Variants in CCDC66 observed in about 807,000 individuals in gnomAD.
The protein encoded by CCDC66 is coiled-coil domain containing 66.
In CCDC66, 133 loss-of-function variants were observed where a neutral mutation model predicts 128.3. The ratio of observed to expected loss-of-function variants is 1.04; its 90% CI spans 0.90 to 1.20. The LOEUF (loss-of-function observed/expected upper bound fraction) is 1.20, where lower values mean the gene tolerates loss of function less well. Among genes scored for constraint, CCDC66 ranks in the 50% most tolerant of loss-of-function variants. The pLI, the probability that CCDC66 is intolerant of heterozygous loss-of-function variation, is 0.00. For missense variants in CCDC66, 1,126 were observed against 1,075.5 expected (o/e 1.05, Z -0.66); for synonymous variants, 387 against 357.0 (o/e 1.08, Z -0.95).
chr3:56,610,741 A>AT (rs1418228938), intron 10 of CCDC66, among the ~76,000 whole-genome samples: 1 of 151,938 alleles, frequency 6.6e-6, no homozygotes, highest in East Asian at 1.9e-4. Flanking sequence ...TGTTGTTCAG[A>AT]TTTTTTTGTC....
At chr3:56,575,549 T>C (rs1469789090) in intron 7 of CCDC66, among the ~76,000 whole-genome samples, 1 of 151,866 alleles carries the variant, frequency 6.6e-6, no homozygotes, top group East Asian at 2.0e-4. Context: ...TTTTTCACTC[T>C]CTTGATAATA....
At chr3:56,608,888 T>C (rs907685200) in intron 10 of CCDC66, among the ~76,000 whole-genome samples, 51 of 152,328 alleles carry the variant, frequency 3.3e-4, no homozygotes, top group African/African-American at 1.2e-3. Context: ...GAGCAATTTA[T>C]TTAATTTCCA....
At chr3:56,588,329 A>G (rs1470354195) in intron 7 of CCDC66, among the ~76,000 whole-genome samples, 2 of 152,200 alleles carry the variant, frequency 1.3e-5, no homozygotes, top group Non-Finnish European at 2.9e-5. Context: ...GCTGAGGGAT[A>G]AAAGACTACA....
intron 7 of CCDC66, among the ~76,000 whole-genome samples, chr3:56,576,135 A>G (rs1253141169): frequency 6.6e-6 from 1 of 151,586 alleles, no homozygotes; most frequent in Non-Finnish European, 1.5e-5. Context: ...TTAATATCTC[A>G]ATAATATTAA....
At chr3:56,612,452 T>C (rs1316640969) in intron 10 of CCDC66, among the ~76,000 whole-genome samples, 1 of 152,164 alleles carries the variant, frequency 6.6e-6, no homozygotes. Flanking sequence ...CAGGGCTGTA[T>C]ACACTGGCAT....
intron 10 of CCDC66, among the ~76,000 whole-genome samples, chr3:56,597,776 GGTT>G (rs1438305269): frequency 1.6e-5 from 1 of 61,858 alleles, no homozygotes; most frequent in Non-Finnish European, 2.6e-5. Flanking sequence ...TTTGTTTTGG[GGTT>G]TTTTTTTTTT....
chr3:56,608,428 A>ACTAT (rs2074359338), intron 10 of CCDC66, among the ~76,000 whole-genome samples: 1 of 152,116 alleles, frequency 6.6e-6, no homozygotes, highest in African/African-American at 2.4e-5. Context: ...TGTTCATAGT[A>ACTAT]GCCTTGAATG....
At position 56,565,523 on chromosome 3, in the gene CCDC66, C is replaced by T. The variant is rs527777853; in HGVS notation, c.545-1071C>T. 2.7e-5 allele frequency among the ~76,000 whole-genome samples: 4 copies of T among 150,888 alleles called. No individual in the cohort carries two copies. In the South Asian group the frequency reaches 8.4e-4, roughly 32 times the overall value. The stretch of plus-strand genomic sequence containing the variant: ...AGCCAGGATGATCTCAGTCTCCTGA[C>T]CTCATGATCCGCCTGCCTCAGCCTC... On this transcript the variant is annotated intron_variant, in intron 4 of 17. Transcript: ENST00000394672.
intron 3 of CCDC66, among the ~76,000 whole-genome samples, chr3:56,560,702 A>C (rs923017910): frequency 6.6e-6 from 1 of 152,248 alleles, no homozygotes; most frequent in Non-Finnish European, 1.5e-5. Context: ...CCTGGGGGAC[A>C]GAGCGAAATT....
intron 10 of CCDC66, among the ~76,000 whole-genome samples, chr3:56,608,735 T>C (rs282529): frequency 0.98 from 149,799 of 152,258 alleles, 73,739 homozygotes; most frequent in Middle Eastern, 1. Context: ...TTGATGTAGG[T>C]GTTTTAGGGC....
intron 10 of CCDC66, among the ~76,000 whole-genome samples, chr3:56,602,507 G>A (rs1297672361): frequency 6.6e-6 from 1 of 151,968 alleles, no homozygotes; most frequent in Non-Finnish European, 1.5e-5. Context: ...AATTAGGGAG[G>A]ATTCCCTCTA....
rs556131751 is a variant in CCDC66, at chr3:56,593,758, GTATT to G, written c.1319+22_1319+25del. The G allele has an allele frequency of 1.7e-4, 272 of 1,605,772 alleles. 1 individual carries two copies. In the African/African-American group the frequency reaches 3.5e-3, roughly 21 times the overall value. On this transcript the variant is annotated intron_variant, in intron 9 of 17. Transcript: ENST00000394672. ...GAAAACAAAGTAAGTTCATGCTTAT[GTATT>G]TATTGACTTTTCAGAAAGTCTGTGT...
chr3:56,616,637 T>C (rs1449928050), intron 13 of CCDC66: 1 of 155,708 alleles, frequency 6.4e-6, no homozygotes, highest in Non-Finnish European at 1.4e-5. Context: ...TTTTTGTGGA[T>C]GTACATTTTT....
rs2067029713 is a variant in CCDC66 at position 56,574,079 on chromosome 3, T to C, written c.936+2777T>C. Among the ~76,000 whole-genome samples the C allele has an allele frequency of 2.6e-5, 4 of 151,634 alleles. 1 individual carries two copies. In the Admixed American group the frequency reaches 2.7e-4, roughly 10 times the overall value. On this transcript the variant is annotated intron_variant, in intron 7 of 17. Transcript: ENST00000394672. ...ATTTTTTTTACTATTTAAATGCAGT[T>C]TTCGCTGGGTGCAGTGGCTCATGCC...
chr3:56,601,458 T>A (rs1006819932), intron 10 of CCDC66, among the ~76,000 whole-genome samples: 8 of 152,112 alleles, frequency 5.3e-5, no homozygotes, highest in Non-Finnish European at 1.5e-5. Context: ...CTGTTTGGGC[T>A]GTTTTTTGAT....
Position 56,619,335 on chromosome 3 carries a change from T to A in CCDC66, c.2443T>A (p.Leu815Ile). 1 of 1,613,702 alleles carries A rather than the reference T, an allele frequency of 6.2e-7. No homozygotes were observed. Among genetic ancestry groups the A allele is most frequent in the Non-Finnish European group, 8.5e-7 (1 of 1,179,718 alleles). ...CCAACAAACTCAAAATACATTACAT[T>A]TACCACTAAAAAACAGTAGCTATGA... ...RTQQTQNTLH[L>I]PLKNSSYERE... Residue 815 changes from leucine (L) to isoleucine (I), a missense_variant, in exon 16 of 18, where the codon TTA becomes ATA. Transcript: ENST00000394672.
At chr3:56,566,147 A>G (rs75285999) in intron 4 of CCDC66, among the ~76,000 whole-genome samples, 1 of 46,800 alleles carries the variant, frequency 2.1e-5, no homozygotes, top group African/African-American at 5.0e-5. Flanking sequence ...TTTTTTTGAG[A>G]CGACATCTGG....
intron 7 of CCDC66, among the ~76,000 whole-genome samples, chr3:56,583,093 C>CT (rs1160578392): frequency 6.6e-6 from 1 of 151,368 alleles, no homozygotes; most frequent in Non-Finnish European, 1.5e-5. Context: ...TCTCAAACTC[C>CT]TGGGTTCAAG....
rs1303646842 is a variant in CCDC66, at chr3:56,559,060, C to A, written c.76+150C>A. On this transcript the variant is annotated intron_variant, in intron 2 of 17. Transcript: ENST00000394672. ...TCCTCAAACTTCTGCAGATTTCCTT[C>A]TAGCCAAATAAAATCAGATTACAAC... The A allele has an allele frequency of 6.4e-6, 4 of 629,450 alleles. No homozygotes were observed. In the East Asian group the frequency reaches 1.1e-4, roughly 17 times the overall value. The allele number at this position is 629,450 out of a possible 1,614,324, so 39.0% of individuals were successfully genotyped here. A position where few individuals can be genotyped will look rare whatever the true frequency, so the allele number is the denominator to read the frequency against.
Sources: allele counts gnomAD v4.1 joint callset (sites outside exome capture counted in the v4.1 genomes callset), GRCh38; gene constraint gnomAD v4.1.1; transcripts MANE v1.5; gene names NCBI Gene and HGNC (gene_info 2026-07-23, HGNC 2026-07-21).